Variants in CALN1 observed in about 807,000 individuals in gnomAD.
CALN1 encodes the protein calneuron 1, also known as calcium-binding protein 8.
In CALN1, 17 loss-of-function variants were observed where a neutral mutation model predicts 30.6. That is an observed-to-expected ratio of 0.56 (90% CI 0.38 to 0.83). The LOEUF (loss-of-function observed/expected upper bound fraction) is 0.83, where lower values mean the gene tolerates loss of function less well. Ranked by LOEUF, CALN1 falls within the 40% of genes least tolerant of loss-of-function variation. CALN1 has a pLI of 0.00. For missense variants in CALN1, 291 were observed against 354.9 expected (o/e 0.82, Z 1.45); for synonymous variants, 156 against 131.4 (o/e 1.19, Z -1.28).
chr7:72,117,501 T>G (rs1584977408), intron 3 of CALN1, among the ~76,000 whole-genome samples: 1 of 152,170 alleles, frequency 6.6e-6, no homozygotes, highest in East Asian at 1.9e-4. Context: ...GCCTAAACTC[T>G]GAAAGGGAAG....
intron 3 of CALN1, among the ~76,000 whole-genome samples, chr7:72,122,589 G>T (rs1363750806): frequency 6.6e-6 from 1 of 152,098 alleles, no homozygotes; most frequent in South Asian, 2.1e-4. Flanking sequence ...AGTCGGGCAT[G>T]GTGGCACATG....
intron 1 of CALN1, among the ~76,000 whole-genome samples, chr7:72,423,889 AGAAG>A (rs1159494652): frequency 7.2e-5 from 10 of 138,528 alleles, no homozygotes; most frequent in East Asian, 4.8e-4. Flanking sequence ...AGGAAAGGGG[AGAAG>A]GAAGGAAGGG....
At chr7:72,254,111 G>A (rs946147166) in intron 3 of CALN1, among the ~76,000 whole-genome samples, 2 of 151,848 alleles carry the variant, frequency 1.3e-5, no homozygotes, top group Non-Finnish European at 2.9e-5. Flanking sequence ...CTGACTATTG[G>A]GTAGCACTGC....
At chr7:72,294,189 C>T (rs369827004) in intron 2 of CALN1, among the ~76,000 whole-genome samples, 36 of 152,110 alleles carry the variant, frequency 2.4e-4, no homozygotes, top group Non-Finnish European at 4.9e-4. Flanking sequence ...CTCCACCTCC[C>T]GCCGCCTTGA....
chr7:71,794,029 G>A (rs528329922), intron 6 of CALN1, among the ~76,000 whole-genome samples: 5 of 152,150 alleles, frequency 3.3e-5, no homozygotes, highest in Admixed American at 6.5e-5. Context: ...CAGCCTCAGC[G>A]GGTTGGGTAC....
At chr7:72,151,584 T>G (rs1350678776) in intron 3 of CALN1, among the ~76,000 whole-genome samples, 1 of 152,136 alleles carries the variant, frequency 6.6e-6, no homozygotes, top group Non-Finnish European at 1.5e-5. Flanking sequence ...GCCTCCCACT[T>G]GGGGGACCCT....
At chr7:72,086,204 C>T (rs116654445) in intron 4 of CALN1, among the ~76,000 whole-genome samples, 102 of 152,124 alleles carry the variant, frequency 6.7e-4, no homozygotes, top group African/African-American at 2.1e-3. Context: ...CATTAATGAA[C>T]GTGACATAAA....
intron 2 of CALN1, among the ~76,000 whole-genome samples, chr7:72,366,055 G>A (rs1488226557): frequency 4.6e-5 from 7 of 152,106 alleles, no homozygotes. Flanking sequence ...ATAAAGCATT[G>A]CTCATATTAT....
the CALN1 span, among the ~76,000 whole-genome samples, chr7:72,497,597 C>T: frequency 6.6e-5 from 10 of 152,244 alleles, no homozygotes; most frequent in Middle Eastern, 3.4e-3. Context: ...ATCCTAGAAA[C>T]GAGCAAAATC....
chr7:72,380,598 C>A (rs1237173471), intron 2 of CALN1, among the ~76,000 whole-genome samples: 1 of 152,122 alleles, frequency 6.6e-6, no homozygotes, highest in African/African-American at 2.4e-5. Flanking sequence ...CAGTTCCCTG[C>A]AAGCTTCATG....
In CALN1 at chr7:72,191,980, C is replaced by CT. The variant is rs1790642081; in HGVS notation, c.245-85687dup. 3.3e-5 allele frequency among the ~76,000 whole-genome samples: 5 copies of CT among 152,062 alleles called. No homozygotes were observed. In the South Asian group the frequency reaches 1.0e-3, roughly 32 times the overall value. ...GGCAAAAAACTTCGATGGCGATTAC[C>CT]TTTAACGGCAAAAACCACAGTTACT... On this transcript the variant is annotated intron_variant, in intron 3 of 6. Transcript: ENST00000395275.
chr7:72,073,443 A>G (rs1804533525), intron 4 of CALN1, among the ~76,000 whole-genome samples: 1 of 152,204 alleles, frequency 6.6e-6, no homozygotes, highest in Non-Finnish European at 1.5e-5. Flanking sequence ...TGGAAAACAA[A>G]AACAGTTGTA....
At chr7:72,320,834 C>CAAAAAA (rs56192893) in intron 2 of CALN1, among the ~76,000 whole-genome samples, 9 of 67,142 alleles carry the variant, frequency 1.3e-4, no homozygotes, top group East Asian at 4.4e-4. Flanking sequence ...GACTCCATCT[C>CAAAAAA]AAAAAAAAAA....
chr7:72,214,536 TC>T (rs1792636127), intron 3 of CALN1, among the ~76,000 whole-genome samples: 1 of 151,648 alleles, frequency 6.6e-6, no homozygotes. Context: ...TTAAGATAGG[TC>T]TTTTGAGGAC....
intron 3 of CALN1, among the ~76,000 whole-genome samples, chr7:72,153,866 T>A (rs1380684912): frequency 6.6e-6 from 1 of 152,172 alleles, no homozygotes; most frequent in African/African-American, 2.4e-5. Flanking sequence ...TGGTCCTGGC[T>A]AACCTGGGCT....
At chr7:72,343,812 C>T (rs1802491300) in intron 2 of CALN1, among the ~76,000 whole-genome samples, 1 of 152,134 alleles carries the variant, frequency 6.6e-6, no homozygotes, top group South Asian at 2.1e-4. Flanking sequence ...ACTACTGTTT[C>T]TCATTGTGGT....
chr7:72,341,931 G>C (rs1402881431), intron 2 of CALN1, among the ~76,000 whole-genome samples: 1 of 151,970 alleles, frequency 6.6e-6, no homozygotes, highest in African/African-American at 2.4e-5. Flanking sequence ...AGGATCTCTT[G>C]CCTTAGGACA....
At chr7:71,828,868 C>G (rs1280289154) in intron 5 of CALN1, among the ~76,000 whole-genome samples, 1 of 151,824 alleles carries the variant, frequency 6.6e-6, no homozygotes, top group South Asian at 2.1e-4. Context: ...CCTGCCTCAG[C>G]CTCCCAAGTA....
At chr7:71,923,865 G>C (rs11766496) in intron 5 of CALN1, among the ~76,000 whole-genome samples, 27,122 of 151,858 alleles carry the variant, frequency 0.18, 2,886 homozygotes, top group African/African-American at 0.28. Flanking sequence ...CATGGCCTTT[G>C]AAGGCTCTGC....
Sources: gnomAD v4.1 joint callset for allele counts (sites outside exome capture counted in the v4.1 genomes callset) on GRCh38, gnomAD v4.1.1 for gene constraint, MANE v1.5 for transcripts, NCBI Gene and HGNC (gene_info 2026-07-23, HGNC 2026-07-21) for gene names.